The following LDB2 variants were observed in gnomAD, a reference collection of about 807,000 sequenced individuals.
LDB2 encodes LIM domain-binding protein 2.
In LDB2, 12 loss-of-function variants were observed where a neutral mutation model predicts 44.3. The observed-to-expected ratio is 0.27, with a 90% CI of 0.17 to 0.44. The LOEUF is 0.44. LDB2 is among the 20% of genes least tolerant of loss of function. The pLI, the probability that LDB2 is intolerant of heterozygous loss-of-function variation, is 1.00. For missense variants in LDB2, 344 were observed against 473.5 expected (o/e 0.73, Z 2.54); for synonymous variants, 164 against 174.8 (o/e 0.94, Z 0.49).
At chr4:16,584,155 A>G (rs1402255619) in intron 5 of LDB2, among the ~76,000 whole-genome samples, 2 of 152,222 alleles carry the variant, frequency 1.3e-5, no homozygotes, top group African/African-American at 2.4e-5. Flanking sequence ...GTCTCAATAC[A>G]TGATGAGACT....
At chr4:16,605,739 A>C (rs544729555) in intron 2 of LDB2, among the ~76,000 whole-genome samples, 1 of 152,268 alleles carries the variant, frequency 6.6e-6, no homozygotes, top group East Asian at 1.9e-4. Context: ...CTGGTGCACT[A>C]TCTCCCTATC....
At chr4:16,542,717 G>A (rs1420938978) in intron 5 of LDB2, among the ~76,000 whole-genome samples, 2 of 138,514 alleles carry the variant, frequency 1.4e-5, no homozygotes, top group South Asian at 4.7e-4. Context: ...TCTAAATAAT[G>A]CTCAATAATT....
intron 1 of LDB2, among the ~76,000 whole-genome samples, chr4:16,864,287 A>C (rs1713854726): frequency 6.6e-6 from 1 of 152,192 alleles, no homozygotes; most frequent in Non-Finnish European, 1.5e-5. Flanking sequence ...TAAATGTTTT[A>C]AGGGCAAAAC....
At chr4:16,802,460 T>C (rs1778026616) in intron 1 of LDB2, among the ~76,000 whole-genome samples, 1 of 152,204 alleles carries the variant, frequency 6.6e-6, no homozygotes, top group African/African-American at 2.4e-5. Context: ...CTGGGGTGTA[T>C]GTCCCATCAG....
intron 2 of LDB2, among the ~76,000 whole-genome samples, chr4:16,728,525 T>C (rs963319203): frequency 2.6e-4 from 40 of 152,202 alleles, no homozygotes; most frequent in African/African-American, 8.4e-4. Context: ...AAAAGGATTA[T>C]TTTTTGCTTA....
chr4:16,788,377 G>T (rs1263322285), intron 1 of LDB2, among the ~76,000 whole-genome samples: 2 of 152,180 alleles, frequency 1.3e-5, no homozygotes, highest in Admixed American at 1.3e-4. Context: ...CCCACCTCAA[G>T]CAACCCTTGG....
At chr4:16,631,619 C>A (rs1354378652) in intron 2 of LDB2, among the ~76,000 whole-genome samples, 1 of 152,082 alleles carries the variant, frequency 6.6e-6, no homozygotes, top group African/African-American at 2.4e-5. Flanking sequence ...ACTTAAAAAA[C>A]CCTTCAAAAA....
intron 5 of LDB2, among the ~76,000 whole-genome samples, chr4:16,579,855 T>A (rs1055266654): frequency 2.0e-5 from 3 of 152,206 alleles, no homozygotes; most frequent in Non-Finnish European, 4.4e-5. Context: ...TTACGTGTCT[T>A]CACATTGCTC....
chr4:16,632,227 T>A (rs980365027), intron 2 of LDB2, among the ~76,000 whole-genome samples: 1 of 152,208 alleles, frequency 6.6e-6, no homozygotes, highest in Non-Finnish European at 1.5e-5. Context: ...TCAAAAAGCT[T>A]ATCCACCATG....
chr4:16,720,242 T>C (rs1757968315), intron 2 of LDB2, among the ~76,000 whole-genome samples: 1 of 151,304 alleles, frequency 6.6e-6, no homozygotes, highest in Non-Finnish European at 1.5e-5. Flanking sequence ...AAGATTATCC[T>C]AGATAATGAG....
chr4:16,600,371 G>C (rs1227909490), intron 2 of LDB2, among the ~76,000 whole-genome samples: 1 of 152,120 alleles, frequency 6.6e-6, no homozygotes, highest in Non-Finnish European at 1.5e-5. Context: ...GATTATAGTA[G>C]ATTATAAAGG....
chr4:16,646,516 G>C (rs1039186970), intron 2 of LDB2, among the ~76,000 whole-genome samples: 4 of 152,210 alleles, frequency 2.6e-5, no homozygotes, highest in African/African-American at 9.7e-5. Context: ...GAATGTTACT[G>C]GTTCAACATG....
At chr4:16,733,200 AATT>A (rs919814199) in intron 2 of LDB2, among the ~76,000 whole-genome samples, 1 of 152,210 alleles carries the variant, frequency 6.6e-6, no homozygotes, top group Non-Finnish European at 1.5e-5. Context: ...TTCTACCTCT[AATT>A]ATAATGCAAG....
chr4:16,887,344 GCTAGATGAT>G, intron 1 of LDB2, among the ~76,000 whole-genome samples: 1 of 152,128 alleles, frequency 6.6e-6, no homozygotes, highest in Non-Finnish European at 1.5e-5. Context: ...AGGAGCTTGG[GCTAGATGAT>G]CTCATAACCA....
chr4:16,615,238 G>A (rs1005981709), intron 2 of LDB2, among the ~76,000 whole-genome samples: 4 of 152,068 alleles, frequency 2.6e-5, no homozygotes, highest in African/African-American at 9.7e-5. Context: ...ATTTGACCCA[G>A]CCATCTCATT....
intron 2 of LDB2, among the ~76,000 whole-genome samples, chr4:16,669,797 A>G (rs1275083945): frequency 6.6e-6 from 1 of 152,182 alleles, no homozygotes; most frequent in Non-Finnish European, 1.5e-5. Flanking sequence ...CACTTTCCTC[A>G]TTCACATTTC....
intron 5 of LDB2, among the ~76,000 whole-genome samples, chr4:16,560,899 A>C (rs1577721284): frequency 6.6e-6 from 1 of 152,352 alleles, no homozygotes; most frequent in East Asian, 1.9e-4. Context: ...CCTGGGATGC[A>C]AGACTGGTTC....
chr4:16,659,184 T>G (rs1349729899), intron 2 of LDB2, among the ~76,000 whole-genome samples: 2 of 152,170 alleles, frequency 1.3e-5, no homozygotes, highest in Non-Finnish European at 2.9e-5. Context: ...AGACTGTCCT[T>G]AAATATGAAA....
At chr4:16,559,988 G>A (rs1741428713) in intron 5 of LDB2, among the ~76,000 whole-genome samples, 1 of 152,102 alleles carries the variant, frequency 6.6e-6, no homozygotes, top group Non-Finnish European at 1.5e-5. Flanking sequence ...ACAAAATGAA[G>A]GCAGAAATAA....
Sources: allele counts gnomAD v4.1 joint callset (sites outside exome capture counted in the v4.1 genomes callset), GRCh38; gene constraint gnomAD v4.1.1; transcripts MANE v1.5; gene names NCBI Gene and HGNC (gene_info 2026-07-23, HGNC 2026-07-21).